The following TMEM156 variants were observed in gnomAD, a reference collection of about 807,000 sequenced individuals.
TMEM156 encodes transmembrane protein 156.
In TMEM156, 28 loss-of-function variants were observed where a neutral mutation model predicts 30.5. The observed-to-expected ratio is 0.92, with a 90% CI of 0.68 to 1.26. TMEM156 has a LOEUF of 1.26. Among genes scored for constraint, TMEM156 ranks in the 50% most tolerant of loss-of-function variants. The probability of loss-of-function intolerance (pLI) is 0.00; values close to 1 mark genes in which losing one functional copy is unlikely to be tolerated. For missense variants in TMEM156, 351 were observed against 340.6 expected (o/e 1.03, Z -0.24); for synonymous variants, 137 against 119.9 (o/e 1.14, Z -0.93).
At chr4:38,995,218 C>T (rs1210525007) in intron 2 of TMEM156, among the ~76,000 whole-genome samples, 1 of 152,142 alleles carries the variant, frequency 6.6e-6, no homozygotes, top group Non-Finnish European at 1.5e-5. Context: ...ATCCTAATGA[C>T]CTCATCTTAA....
intron 1 of TMEM156, among the ~76,000 whole-genome samples, chr4:39,002,619 G>C (rs1260405375): frequency 2.0e-5 from 3 of 148,332 alleles, no homozygotes; most frequent in East Asian, 4.0e-4. Flanking sequence ...CAATAGCAAA[G>C]ACTTGGAACC....
chr4:38,985,954 C>T (rs1334525364), intron 5 of TMEM156, among the ~76,000 whole-genome samples: 1 of 152,220 alleles, frequency 6.6e-6, no homozygotes, highest in African/African-American at 2.4e-5. Context: ...CAATGACACC[C>T]TCTGCTAAGG....
Position 38,967,024 on chromosome 4 carries a change from T to C in TMEM156, c.*656A>G, listed in dbSNP as rs1456024067. On this transcript the variant is annotated 3_prime_UTR_variant, in exon 7 of 7. Coordinates refer to ENST00000381938, the MANE Select transcript of TMEM156 (RefSeq NM_024943.3). ...ACCATGTTGGCCAGGATGGTCTCGA[T>C]CCCTTGACCTCATGATCCTCCCACC... is the stretch of plus-strand genomic sequence containing the variant. 1 of 152,034 alleles carries C rather than the reference T, an allele frequency of 6.6e-6. No homozygotes were observed. The highest frequency in any genetic ancestry group is 1.5e-5 in the Non-Finnish European group (1 of 68,056). 9.4% of individuals were successfully genotyped at this position (152,034 alleles called of 1,614,324 possible). A position where few individuals can be genotyped will look rare whatever the true frequency, so the allele number is the denominator to read the frequency against.
intron 1 of TMEM156, among the ~76,000 whole-genome samples, chr4:39,014,148 G>T (rs998297135): frequency 3.3e-5 from 5 of 152,034 alleles, no homozygotes; most frequent in African/African-American, 4.8e-5. Context: ...AACAAAAGAG[G>T]CTGTAAAAGA....
At chr4:39,009,258 A>T (rs2566155) in intron 1 of TMEM156, among the ~76,000 whole-genome samples, 1 of 151,882 alleles carries the variant, frequency 6.6e-6, no homozygotes, top group African/African-American at 2.4e-5. Context: ...GTAATAAAAA[A>T]CCTACCAGCC....
intron 1 of TMEM156, among the ~76,000 whole-genome samples, chr4:39,017,286 T>C (rs184481437): frequency 2.8e-4 from 42 of 148,914 alleles, no homozygotes; most frequent in African/African-American, 9.1e-4. Flanking sequence ...ACCATTCTCC[T>C]GCCTCAGCCT....
chr4:38,972,370 C>T (rs369165906), intron 5 of TMEM156, among the ~76,000 whole-genome samples: 32 of 150,464 alleles, frequency 2.1e-4, no homozygotes, highest in African/African-American at 7.8e-4. Flanking sequence ...TCTGTCTCAG[C>T]CTCCTGAGTA....
chr4:38,973,900 GT>G (rs1333733488), intron 5 of TMEM156, among the ~76,000 whole-genome samples: 1 of 152,094 alleles, frequency 6.6e-6, no homozygotes, highest in African/African-American at 2.4e-5. Context: ...TTTATTAGAA[GT>G]TTTAATGAAA....
chr4:39,013,795 G>A (rs1714294049), intron 1 of TMEM156, among the ~76,000 whole-genome samples: 1 of 152,172 alleles, frequency 6.6e-6, no homozygotes, highest in Admixed American at 6.5e-5. Context: ...TATCTGTAAT[G>A]TAGATATACC....
chr4:38,976,051 C>A (rs886752133), intron 5 of TMEM156, among the ~76,000 whole-genome samples: 3 of 151,892 alleles, frequency 2.0e-5, no homozygotes, highest in Non-Finnish European at 2.9e-5. Context: ...CTTCGGGAGG[C>A]CAAGGCGGGA....
chr4:39,023,688 A>AAAAAAT (rs1683576874), intron 1 of TMEM156, among the ~76,000 whole-genome samples: 2 of 151,972 alleles, frequency 1.3e-5, no homozygotes, highest in African/African-American at 2.4e-5. Flanking sequence ...CTAAAAATAC[A>AAAAAAT]AAAAATAAAA....
At position 38,995,851 on chromosome 4, in the gene TMEM156, C is replaced by T. The variant is rs188748978; in HGVS notation, c.359-1853G>A. 1.8e-4 allele frequency among the ~76,000 whole-genome samples: 27 copies of T among 152,302 alleles called. No individual in the cohort carries two copies. The East Asian group carries it at 5.2e-3, about 29-fold the overall frequency. On this transcript the variant is annotated intron_variant, in intron 2 of 6. Transcript: ENST00000381938. ...AAAAGGCAAAGAAATTCCTGTCTTG[C>T]TTTTCAGAACACTCATACTGGAGCC...
At chr4:38,974,316 T>C (rs776965797) in intron 5 of TMEM156, among the ~76,000 whole-genome samples, 2 of 151,728 alleles carry the variant, frequency 1.3e-5, no homozygotes, top group Non-Finnish European at 2.9e-5. Flanking sequence ...GCAGTCCTCC[T>C]GCCTCAGCCT....
At chr4:39,016,870 G>A (rs1391151608) in intron 1 of TMEM156, among the ~76,000 whole-genome samples, 1 of 152,174 alleles carries the variant, frequency 6.6e-6, no homozygotes, top group Non-Finnish European at 1.5e-5. Context: ...AAGGAAAAAG[G>A]TGTAATGGAC....
chr4:39,013,924 A>G (rs1175613987), intron 1 of TMEM156, among the ~76,000 whole-genome samples: 3 of 152,144 alleles, frequency 2.0e-5, no homozygotes, highest in African/African-American at 7.2e-5. Flanking sequence ...TAGTTTCTAT[A>G]AGGGGTCATT....
intron 1 of TMEM156, among the ~76,000 whole-genome samples, chr4:39,016,632 G>A (rs1239744298): frequency 1.3e-5 from 2 of 151,972 alleles, no homozygotes; most frequent in Non-Finnish European, 2.9e-5. Context: ...CTCCATTATA[G>A]TTTCTTCTCA....
At chr4:39,017,962 G>C (rs1327682798) in intron 1 of TMEM156, among the ~76,000 whole-genome samples, 1 of 151,864 alleles carries the variant, frequency 6.6e-6, no homozygotes, top group African/African-American at 2.4e-5. Flanking sequence ...TTTTTACCTG[G>C]ATAGATTTGC....
chr4:39,004,014 A>C (rs957299796), intron 1 of TMEM156, among the ~76,000 whole-genome samples: 1 of 152,214 alleles, frequency 6.6e-6, no homozygotes, highest in Non-Finnish European at 1.5e-5. Context: ...ATTGAATTGG[A>C]AAAGAAATAA....
chr4:39,032,174 A>G (rs1029773471), intron 1 of TMEM156, 52 bp downstream of exon 1: 1 of 1,156,198 alleles, frequency 8.6e-7, no homozygotes, highest in Non-Finnish European at 1.3e-6. Flanking sequence ...ACTAGCTGAC[A>G]CTAATTTTTT....
Sources: gnomAD v4.1 joint callset for allele counts (sites outside exome capture counted in the v4.1 genomes callset) on GRCh38, gnomAD v4.1.1 for gene constraint, MANE v1.5 for transcripts, NCBI Gene and HGNC (gene_info 2026-07-23, HGNC 2026-07-21) for gene names.